Variants in RBM47 observed in about 807,000 individuals in gnomAD.
The protein encoded by RBM47 is RNA-binding protein 47.
Under a neutral mutation model 47.1 loss-of-function variants are expected in RBM47, and 21 were observed. The ratio of observed to expected loss-of-function variants is 0.45; its 90% CI spans 0.32 to 0.64. The LOEUF is 0.64. Among genes scored for constraint, RBM47 ranks in the 30% least tolerant of loss-of-function variants. RBM47 has a pLI of 0.05. For synonymous variants in RBM47, 375 were observed against 361.7 expected, an observed-to-expected ratio of 1.04 and a Z score of -0.42; for missense variants, 708 against 870.9, an observed-to-expected ratio of 0.81 and a Z score of 2.35.
At chr4:40,540,773 AT>A (rs1323530327) in intron 2 of RBM47, among the ~76,000 whole-genome samples, 1 of 148,430 alleles carries the variant, frequency 6.7e-6, no homozygotes, top group African/African-American at 2.5e-5. Flanking sequence ...TAATTTATAT[AT>A]TTTATTTATT....
chr4:40,537,307 C>T (rs1728082034), intron 2 of RBM47, among the ~76,000 whole-genome samples: 1 of 151,794 alleles, frequency 6.6e-6, no homozygotes, highest in Admixed American at 6.6e-5. Context: ...GCATCTCTCT[C>T]TGTCTCCAAG....
At chr4:40,584,804 A>G (rs1411987325) in intron 1 of RBM47, among the ~76,000 whole-genome samples, 1 of 152,224 alleles carries the variant, frequency 6.6e-6, no homozygotes, top group African/African-American at 2.4e-5. Context: ...TGCGCCAGCC[A>G]CATTTCAAGA....
chr4:40,536,570 C>G (rs1487231378), intron 2 of RBM47, among the ~76,000 whole-genome samples: 3 of 152,170 alleles, frequency 2.0e-5, no homozygotes, highest in Non-Finnish European at 2.9e-5. Context: ...TTTTCTTTTT[C>G]TTCCTCTATG....
intron 2 of RBM47, among the ~76,000 whole-genome samples, chr4:40,487,330 C>T (rs562054502): frequency 1.6e-4 from 25 of 152,274 alleles, no homozygotes; most frequent in Admixed American, 9.8e-4. Flanking sequence ...GAGTCTCACT[C>T]GGTCGCCCAG....
At chr4:40,437,089 AAAT>A (rs1347958185) in intron 4 of RBM47, among the ~76,000 whole-genome samples, 1,280 of 53,888 alleles carry the variant, frequency 0.024, 214 homozygotes, top group Non-Finnish European at 0.031. Flanking sequence ...AAAAAAAAAA[AAAT>A]ATATATATAT....
chr4:40,538,328 G>GTTTTTT (rs34309510), intron 2 of RBM47, among the ~76,000 whole-genome samples: 1 of 125,808 alleles, frequency 7.9e-6, no homozygotes, highest in African/African-American at 3.1e-5. Flanking sequence ...TATTGGTATT[G>GTTTTTT]TTTTTTTTTT....
intron 1 of RBM47, among the ~76,000 whole-genome samples, chr4:40,562,683 C>T (rs1287301753): frequency 1.3e-5 from 2 of 152,124 alleles, no homozygotes; most frequent in Non-Finnish European, 2.9e-5. Context: ...CCAGGCTGTT[C>T]TCTAGCTCCT....
chr4:40,550,211 CT>C (rs1729432664), intron 1 of RBM47, among the ~76,000 whole-genome samples: 1 of 152,104 alleles, frequency 6.6e-6, no homozygotes, highest in Admixed American at 6.6e-5. Flanking sequence ...ATGATCATTA[CT>C]TTAAAGTTAT....
At chr4:40,480,787 G>C (rs1303160422) in intron 2 of RBM47, among the ~76,000 whole-genome samples, 1 of 152,120 alleles carries the variant, frequency 6.6e-6, no homozygotes, top group East Asian at 1.9e-4. Context: ...GATAAGCTAA[G>C]TAATTATTAG....
At position 40,527,148 on chromosome 4, in the gene RBM47, T is replaced by A. The variant is rs186701654; in HGVS notation, c.-155+17274A>T. Among the ~76,000 whole-genome samples the A allele has an allele frequency of 2.0e-5, 3 of 152,278 alleles. No homozygotes were observed. In the East Asian group the frequency reaches 5.8e-4, roughly 29 times the overall value. ...TTATTTTTTTGAGACAGTCTCACTC[T>A]CTCTTGCCCAGGCAGCCACCCTGCA... On this transcript the variant is annotated intron_variant, in intron 2 of 6. Transcript: ENST00000295971.
chr4:40,483,205 A>C (rs945157193), intron 2 of RBM47, among the ~76,000 whole-genome samples: 4 of 152,254 alleles, frequency 2.6e-5, no homozygotes, highest in Non-Finnish European at 5.9e-5. Flanking sequence ...GTTTCGACAC[A>C]ATGAGCCTGA....
At chr4:40,455,916 G>A (rs1417575783) in intron 3 of RBM47, among the ~76,000 whole-genome samples, 1 of 152,144 alleles carries the variant, frequency 6.6e-6, no homozygotes, top group Non-Finnish European at 1.5e-5. Context: ...TTATCTGCCT[G>A]GCAAGATACT....
chr4:40,503,947 A>G (rs1206651015), intron 2 of RBM47, among the ~76,000 whole-genome samples: 1 of 152,002 alleles, frequency 6.6e-6, no homozygotes, highest in Non-Finnish European at 1.5e-5. Flanking sequence ...CTGAGGTGGG[A>G]GGATCTCTTG....
intron 1 of RBM47, among the ~76,000 whole-genome samples, chr4:40,618,635 C>T (rs1156239257): frequency 1.3e-5 from 2 of 150,776 alleles, no homozygotes; most frequent in Non-Finnish European, 3.0e-5. Context: ...ATGGTGAAAC[C>T]CCGTCTCTAC....
At chr4:40,495,387 A>G (rs943666918) in intron 2 of RBM47, among the ~76,000 whole-genome samples, 5 of 152,126 alleles carry the variant, frequency 3.3e-5, no homozygotes, top group African/African-American at 1.2e-4. Flanking sequence ...GGATCACTTG[A>G]GGCCAGGAGT....
chr4:40,583,388 GAAAA>G (rs56371832), intron 1 of RBM47, among the ~76,000 whole-genome samples: 34,161 of 90,788 alleles, frequency 0.38, 5,776 homozygotes, highest in Non-Finnish European at 0.41. Flanking sequence ...CTCCATCTCA[GAAAA>G]AAAAAAAAAA....
chr4:40,617,771 TAA>T (rs898497168), intron 1 of RBM47, among the ~76,000 whole-genome samples: 44 of 151,600 alleles, frequency 2.9e-4, no homozygotes, highest in African/African-American at 9.2e-4. Context: ...AAACTATACT[TAA>T]GTCTTTTTTT....
At chr4:40,505,891 AAAAC>A (rs147610397) in intron 2 of RBM47, among the ~76,000 whole-genome samples, 1,911 of 10,318 alleles carry the variant, frequency 0.19, 25 homozygotes, top group African/African-American at 0.25. Flanking sequence ...TGTCTCAAAA[AAAAC>A]AAAACAAAAC....
intron 1 of RBM47, among the ~76,000 whole-genome samples, chr4:40,592,372 G>A (rs1734227816): frequency 6.7e-6 from 1 of 149,722 alleles, no homozygotes; most frequent in Non-Finnish European, 1.5e-5. Flanking sequence ...TCCCACCTCA[G>A]CCTCCCTAAT....
Sources: allele counts gnomAD v4.1 joint callset (sites outside exome capture counted in the v4.1 genomes callset), GRCh38; gene constraint gnomAD v4.1.1; transcripts MANE v1.5; gene names NCBI Gene and HGNC (gene_info 2026-07-23, HGNC 2026-07-21).